The following SEMA3A variants were observed in gnomAD, a reference collection of about 807,000 sequenced individuals.
The protein encoded by SEMA3A is semaphorin 3A.
Under a neutral mutation model 97.9 loss-of-function variants are expected in SEMA3A, and 29 were observed. That is an observed-to-expected ratio of 0.30 (90% confidence interval 0.22 to 0.40). The LOEUF is 0.40. Among genes scored for constraint, SEMA3A ranks in the 10% least tolerant of loss-of-function variants. SEMA3A has a pLI of 1.00. For synonymous variants in SEMA3A, 321 were observed against 323.7 expected, an observed-to-expected ratio of 0.99 and a Z score of 0.09; for missense variants, 763 against 951.3, an observed-to-expected ratio of 0.80 and a Z score of 2.60.
chr7:84,068,744 A>G (rs1475327782), intron 4 of SEMA3A, among the ~76,000 whole-genome samples: 1 of 152,122 alleles, frequency 6.6e-6, no homozygotes, highest in Non-Finnish European at 1.5e-5. Flanking sequence ...AAGGTAGATG[A>G]GAAGTGCTTC....
At chr7:84,032,011 T>A (rs1791776664) in intron 6 of SEMA3A, among the ~76,000 whole-genome samples, 1 of 152,190 alleles carries the variant, frequency 6.6e-6, no homozygotes, top group African/African-American at 2.4e-5. Context: ...TAAAACTTAC[T>A]TTGTCAAAAA....
intron 5 of SEMA3A, among the ~76,000 whole-genome samples, chr7:84,053,255 C>T (rs1332741012): frequency 9.4e-6 from 1 of 105,908 alleles, no homozygotes; most frequent in Admixed American, 1.1e-4. Flanking sequence ...GAGTTCAATT[C>T]CTGGGTATCC....
intron 1 of SEMA3A, among the ~76,000 whole-genome samples, chr7:84,400,283 T>C (rs1803866076): frequency 6.6e-6 from 1 of 151,936 alleles, no homozygotes; most frequent in African/African-American, 2.4e-5. Flanking sequence ...TCATACCAAA[T>C]GGAATAAATA....
In SEMA3A at chr7:84,268,915, C is replaced by T. The variant is rs1274391684; in HGVS notation, c.-83+38292G>A. 4.6e-5 allele frequency among the ~76,000 whole-genome samples: 7 copies of T among 152,242 alleles called. No individual in the cohort carries two copies. In the South Asian group the frequency reaches 1.0e-3, roughly 23 times the overall value. On this transcript the variant is annotated intron_variant, in intron 3 of 3. Coordinates refer to the SEMA3A transcript ENST00000424555. ...GAATGGTTTTAATTTGCTTCTCATA[C>T]ATGAGCCTGATCAATGAGCAATTTC...
chr7:84,174,959 C>T (rs541824528), intron 1 of SEMA3A, among the ~76,000 whole-genome samples: 1 of 152,246 alleles, frequency 6.6e-6, no homozygotes, highest in Admixed American at 6.5e-5. Flanking sequence ...TTTTAGGACT[C>T]TGTGATTTGA....
chr7:84,468,524 G>C (rs1213239522), intron 1 of SEMA3A, among the ~76,000 whole-genome samples: 4 of 151,970 alleles, frequency 2.6e-5, no homozygotes, highest in Non-Finnish European at 4.4e-5. Context: ...CACCAACAAC[G>C]TTAACTTGGA....
intron 1 of SEMA3A, among the ~76,000 whole-genome samples, chr7:84,144,914 C>G (rs1432733536): frequency 6.6e-6 from 1 of 152,044 alleles, no homozygotes; most frequent in Admixed American, 6.6e-5. Context: ...GATTTGGGCT[C>G]TTTATATTTT....
At chr7:84,414,399 A>G (rs928929468) in intron 1 of SEMA3A, among the ~76,000 whole-genome samples, 10 of 151,942 alleles carry the variant, frequency 6.6e-5, no homozygotes, top group Non-Finnish European at 1.2e-4. Context: ...AAAAGTAAAA[A>G]AAAAAAAAAA....
intron 3 of SEMA3A, among the ~76,000 whole-genome samples, chr7:84,281,077 A>G (rs1478307532): frequency 6.6e-6 from 1 of 152,120 alleles, no homozygotes; most frequent in Non-Finnish European, 1.5e-5. Context: ...ATTCACTGGT[A>G]TGTTAGAAAC....
chr7:83,988,393 A>T (rs1026575479), intron 12 of SEMA3A, among the ~76,000 whole-genome samples: 1 of 151,694 alleles, frequency 6.6e-6, no homozygotes, highest in African/African-American at 2.4e-5. Context: ...CGACTGGCTA[A>T]TTTTTTTGTA....
intron 3 of SEMA3A, among the ~76,000 whole-genome samples, chr7:84,246,567 T>G (rs1458270315): frequency 1.3e-5 from 2 of 152,140 alleles, no homozygotes; most frequent in Non-Finnish European, 2.9e-5. Flanking sequence ...AAAATATACA[T>G]GTATATTATA....
chr7:84,401,887 A>C (rs1803914118), intron 1 of SEMA3A, among the ~76,000 whole-genome samples: 1 of 152,194 alleles, frequency 6.6e-6, no homozygotes, highest in South Asian at 2.1e-4. Flanking sequence ...CAAAGACCTG[A>C]AACTATGAAA....
intron 1 of SEMA3A, among the ~76,000 whole-genome samples, chr7:84,414,858 C>G (rs1479067481): frequency 6.6e-6 from 1 of 151,872 alleles, no homozygotes. Flanking sequence ...AACGAATCAG[C>G]AAAGAACCAT....
chr7:84,477,218 C>T (rs980723108), intron 1 of SEMA3A, among the ~76,000 whole-genome samples: 2 of 150,704 alleles, frequency 1.3e-5, no homozygotes, highest in Admixed American at 6.6e-5. Context: ...GTGGGCGGAT[C>T]ACAAGGTCAG....
At chr7:84,203,124 T>C (rs191538295) in intron 3 of SEMA3A, among the ~76,000 whole-genome samples, 183 of 152,208 alleles carry the variant, frequency 1.2e-3, no homozygotes, top group African/African-American at 4.3e-3. Context: ...GATATAAGAT[T>C]TTGCATTAGG....
chr7:84,015,055 C>G (rs1220895900), intron 6 of SEMA3A, among the ~76,000 whole-genome samples: 1 of 152,066 alleles, frequency 6.6e-6, no homozygotes, highest in Non-Finnish European at 1.5e-5. Flanking sequence ...CCTTACCAAC[C>G]CTTGTCTCCA....
chr7:84,351,288 G>A (rs2116025392), intron 2 of SEMA3A, among the ~76,000 whole-genome samples: 1 of 152,174 alleles, frequency 6.6e-6, no homozygotes, highest in South Asian at 2.1e-4. Flanking sequence ...TTGATGGTTT[G>A]CTTGGTTTCC....
intron 2 of SEMA3A, among the ~76,000 whole-genome samples, chr7:84,316,674 A>G (rs1398044498): frequency 3.3e-5 from 5 of 152,148 alleles, no homozygotes; most frequent in Non-Finnish European, 7.3e-5. Flanking sequence ...TTACTTGATG[A>G]TATTTTTATA....
chr7:83,989,424 G>A (rs1444834819), intron 12 of SEMA3A, among the ~76,000 whole-genome samples: 1 of 147,144 alleles, frequency 6.8e-6, no homozygotes, highest in Non-Finnish European at 1.5e-5. Context: ...CCACTAACTC[G>A]TCATCTAGCA....
Sources: allele counts gnomAD v4.1 joint callset (sites outside exome capture counted in the v4.1 genomes callset), GRCh38; gene constraint gnomAD v4.1.1; transcripts MANE v1.5; gene names NCBI Gene and HGNC (gene_info 2026-07-23, HGNC 2026-07-21).